The following RPUSD1 variants were observed in gnomAD, a reference collection of about 807,000 sequenced individuals.
The protein encoded by RPUSD1 is pseudouridylate synthase RPUSD1.
A neutral mutation model predicts 22.4 loss-of-function variants in RPUSD1; 28 were observed. The ratio of observed to expected loss-of-function variants is 1.25; its 90% CI spans 0.93 to 1.72. RPUSD1 has a LOEUF of 1.72. RPUSD1 is among the 40% of genes most tolerant of loss of function. RPUSD1 has a pLI of 0.00. For synonymous variants in RPUSD1, 298 were observed against 201.0 expected (o/e 1.48, Z -4.08); for missense variants, 596 against 442.2 (o/e 1.35, Z -3.12).
chr16:786,688 C>T (rs758198526), intron 5 of RPUSD1, 139 bp downstream of exon 5: 7 of 798,778 alleles, frequency 8.8e-6, no homozygotes, highest in African/African-American at 5.0e-5. Flanking sequence ...TGAGAGGCTG[C>T]AGGGCGTGGA....
At chr16:787,855 C>G in intron 1 of RPUSD1, 111 bp from the exon 2 acceptor site, 1 of 1,137,492 alleles carries the variant, frequency 8.8e-7, no homozygotes, top group South Asian at 1.4e-5. Context: ...AGCCACCGAG[C>G]CGGGTCCGCA....
intron 1 of RPUSD1, chr16:787,949 G>A (rs1168301986): frequency 2.0e-5 from 12 of 606,834 alleles, no homozygotes; most frequent in Non-Finnish European, 2.9e-5. Context: ...GCCTGCTCCG[G>A]GCTGACCTGA....
rs1274367827 is a variant in RPUSD1, at chr16:785,150, T to G, written c.*800A>C. The G allele has an allele frequency of 6.6e-6, 1 of 152,380 alleles. No individual in the cohort carries two copies. Among genetic ancestry groups the G allele is most frequent in the African/African-American group, 2.4e-5 (1 of 41,428 alleles). The allele number at this position is 152,380 out of a possible 1,614,324, so 9.4% of individuals were successfully genotyped here. On this transcript the variant is annotated 3_prime_UTR_variant, in exon 6 of 6. Transcript: ENST00000007264. ...GGCTGTGTGGGAGCCAGGCAGGCGGTGACGTGGCAGAGCTGCCAGCAGGGG... is the reference window on the plus strand; with the variant it reads ...GGCTGTGTGGGAGCCAGGCAGGCGGGGACGTGGCAGAGCTGCCAGCAGGGG...
At chr16:787,904 G>C (rs1397576348) in intron 1 of RPUSD1, 160 bp from the exon 2 acceptor site, 1 of 678,024 alleles carries the variant, frequency 1.5e-6, no homozygotes, top group South Asian at 1.9e-5. Context: ...CCCGAGATCA[G>C]TCCCCAGGGC....
Position 786,232 on chromosome 16 carries a change from G to A in RPUSD1, c.657C>T (p.Thr219=), listed in dbSNP as rs747292937. The A allele has an allele frequency of 1.1e-5, 17 of 1,612,660 alleles. No homozygotes were observed. The highest frequency in any genetic ancestry group is 5.3e-5 in the African/African-American group (4 of 74,928). ...CAGGCGTGCAGACCTCCACACACTC[G>A]GTGTCCGTGGGGATGCGCAGGTAGA... ...HAFYLRIPTD[T]ECVEVCTPDP... The change falls in exon 6 of 6, where the codon ACC becomes ACT. Residue 219 remains threonine (T), a synonymous_variant. Coordinates refer to ENST00000007264, the MANE Select transcript of RPUSD1 (RefSeq NM_058192.3).
At chr16:787,022 G>C in intron 4 of RPUSD1, 55 bp downstream of exon 4, 5 of 1,593,774 alleles carry the variant, frequency 3.1e-6, no homozygotes, top group Non-Finnish European at 4.3e-6. Flanking sequence ...GTCCCTGCCT[G>C]CCCAGGCCCA....
At position 787,046 on chromosome 16, in the gene RPUSD1, T is replaced by C. The variant is rs764196255; in HGVS notation, c.409+31A>G. The C allele has an allele frequency of 1.1e-5, 18 of 1,593,018 alleles. No homozygotes were observed. In the Admixed American group the frequency reaches 2.9e-4, roughly 26 times the overall value. On this transcript the variant is annotated intron_variant, in intron 4 of 5. Coordinates refer to ENST00000007264, the MANE Select transcript of RPUSD1 (RefSeq NM_058192.3). ...TGCCCAGGCCCACCCCAACCCACGATGCCCGCCCGGTGGGTCCCTGCCTGC... is the reference window on the plus strand; with the variant it reads ...TGCCCAGGCCCACCCCAACCCACGACGCCCGCCCGGTGGGTCCCTGCCTGC...
rs892646143 is a variant in RPUSD1, at chr16:785,708, G to A, written c.*242C>T. ...TTCTCCCGGGGCATGTGGGCAGGAA[G>A]GCCCTCGGGATCCCGCATCAGTCCC... On this transcript the variant is annotated 3_prime_UTR_variant, in exon 6 of 6. Transcript: ENST00000007264. The A allele has an allele frequency of 9.8e-6, 4 of 407,350 alleles. No individual in the cohort carries two copies. Among genetic ancestry groups the A allele is most frequent in the Non-Finnish European group, 1.7e-5 (4 of 232,304 alleles). 25.2% of individuals were successfully genotyped at this position (407,350 alleles called of 1,614,324 possible).
chr16:787,935 G>A, intron 1 of RPUSD1, 191 bp from the exon 2 acceptor site: 5 of 618,388 alleles, frequency 8.1e-6, no homozygotes, highest in Non-Finnish European at 1.4e-5. Context: ...GAGTCAAGGA[G>A]TCAGCCTGCT....
Position 786,867 on chromosome 16 carries a change from T to C in RPUSD1, c.471A>G (p.Ala157=), listed in dbSNP as rs201957730. The C allele has an allele frequency of 2.0e-4, 315 of 1,613,268 alleles. 2 individuals carry two copies. In the South Asian group the frequency reaches 3.4e-3, roughly 17 times the overall value. Residue 157 remains alanine (A), a synonymous_variant, in exon 5 of 6, where the codon GCA becomes GCG. Coordinates refer to ENST00000007264, the MANE Select transcript of RPUSD1 (RefSeq NM_058192.3). ...GCAGCACTTTGGAGACAGGATCGCC[T>C]GCGTACAGCCCGTGTTCCAGAACCA... The part of the protein sequence containing the change: ...DLVVLEHGLY[A]GDPVSKVLLK...
At chr16:788,176 C>G in intron 1 of RPUSD1, 80 bp downstream of exon 1, 1 of 422,108 alleles carries the variant, frequency 2.4e-6, no homozygotes, top group Admixed American at 2.7e-5. Flanking sequence ...CCGCGCAGAC[C>G]CGCGCCCCGC....
intron 5 of RPUSD1, 199 bp downstream of exon 5, chr16:786,628 C>A: frequency 1.4e-6 from 1 of 733,952 alleles, no homozygotes; most frequent in Non-Finnish European, 2.4e-6. Flanking sequence ...CAGCCAGACC[C>A]CCAAGGAATC....
In RPUSD1 at chr16:786,310, GTA is replaced by G. The variant is rs2041908844; in HGVS notation, c.577_578del (p.Tyr193ArgfsTer35). ...LGHPVVGDLT[Y>X]GEVSGREDRP... ...GGTCCTCCCGGCCCGAGACTTCTCC[GTA>G]GGTCAGGTCGCCCACCACGGGGTGG... On this transcript the variant is annotated frameshift_variant, in exon 6 of 6. Transcript: ENST00000007264. LOFTEE classifies it low-confidence loss of function (END_TRUNC). 17 of 1,612,582 alleles carry G rather than the reference GTA, an allele frequency of 1.1e-5. No homozygotes were observed. The highest frequency in any genetic ancestry group is 1.4e-5 in the Non-Finnish European group (16 of 1,179,908).
In RPUSD1 at chr16:786,818, C is replaced by A. The variant is rs781734534; in HGVS notation, c.511+9G>T. 6.2e-7 allele frequency: 1 copy of A among 1,610,022 alleles called. No homozygotes were observed. Among genetic ancestry groups the A allele is most frequent in the Admixed American group, 1.7e-5 (1 of 60,030 alleles). On this transcript the variant is annotated intron_variant, in intron 5 of 5. Coordinates refer to ENST00000007264, the MANE Select transcript of RPUSD1 (RefSeq NM_058192.3). ...GTCACCACCAGGACACCGCCCACCC[C>A]AGACACACCCGTGAGCGGCTTCAGC...
chr16:786,550 A>C (rs1276790443), intron 5 of RPUSD1, 173 bp from the exon 6 acceptor site: 1 of 779,710 alleles, frequency 1.3e-6, no homozygotes, highest in South Asian at 1.5e-5. Context: ...TTAGGACAGA[A>C]GATTGTGTTC....
At position 786,698 on chromosome 16, in the gene RPUSD1, A is replaced by T. The variant is rs556424056; in HGVS notation, c.511+129T>A. On this transcript the variant is annotated intron_variant, in intron 5 of 5. Coordinates refer to ENST00000007264, the MANE Select transcript of RPUSD1 (RefSeq NM_058192.3). ...GAAGCTGAGAGGCTGCAGGGCGTGGAGTTAAGAACGCAGGAGTGCTTGTTG... is the reference window on the plus strand; with the variant it reads ...GAAGCTGAGAGGCTGCAGGGCGTGGTGTTAAGAACGCAGGAGTGCTTGTTG... 27 of 828,782 alleles carry T rather than the reference A, an allele frequency of 3.3e-5. No homozygotes were observed. In the South Asian group the frequency reaches 3.5e-4, roughly 11 times the overall value. 51.3% of individuals were successfully genotyped at this position (828,782 alleles called of 1,614,324 possible).
intron 1 of RPUSD1, chr16:787,947 C>G: frequency 1.6e-6 from 1 of 606,750 alleles, no homozygotes; most frequent in Non-Finnish European, 2.9e-6. Flanking sequence ...CAGCCTGCTC[C>G]GGGCTGACCT....
At position 785,941 on chromosome 16, in the gene RPUSD1, C is replaced by T; in HGVS notation, c.*9G>A. The T allele has an allele frequency of 2.8e-6, 4 of 1,431,686 alleles. No homozygotes were observed. Among genetic ancestry groups the T allele is most frequent in the Non-Finnish European group, 3.7e-6 (4 of 1,095,634 alleles). The allele number at this position is 1,431,686 out of a possible 1,614,324, so 88.7% of individuals were successfully genotyped here. A position where few individuals can be genotyped will look rare whatever the true frequency, so the allele number is the denominator to read the frequency against. On this transcript the variant is annotated 3_prime_UTR_variant, in exon 6 of 6. Transcript: ENST00000007264. ...GCAGCTGACACCCCCTGCCCCAGCC[C>T]CACGGCTCTCAGCTGTCCGGTTCCA... is the stretch of plus-strand genomic sequence containing the variant.
chr16:786,947 G>C lies in RPUSD1; in HGVS notation c.410-19C>G, dbSNP rs781101844. Reference sequence around the variant, plus strand: ...TCACAACCTGGGGCGCAGAAGGCAGGTGTGAGGTTAGTGGGACTGACCCGG... The same window carrying C: ...TCACAACCTGGGGCGCAGAAGGCAGCTGTGAGGTTAGTGGGACTGACCCGG... On this transcript the variant is annotated intron_variant, in intron 4 of 5. Coordinates refer to ENST00000007264, the MANE Select transcript of RPUSD1 (RefSeq NM_058192.3). 6.2e-6 allele frequency: 10 copies of C among 1,609,664 alleles called. No homozygotes were observed. Among genetic ancestry groups the C allele is most frequent in the Middle Eastern group, 1.7e-4 (1 of 6,056 alleles).
Sources: allele counts gnomAD v4.1 joint callset, GRCh38; gene constraint gnomAD v4.1.1; transcripts MANE v1.5; gene names NCBI Gene and HGNC (gene_info 2026-07-23, HGNC 2026-07-21).